The following PRDM16 variants were observed in gnomAD, a reference collection of about 807,000 sequenced individuals.
PRDM16 encodes histone-lysine N-methyltransferase PRDM16.
In PRDM16, 23 loss-of-function variants were observed where a neutral mutation model predicts 110.6. The observed-to-expected ratio is 0.21, with a 90% CI of 0.15 to 0.29. PRDM16 has a LOEUF of 0.29. PRDM16 is among the 10% of genes least tolerant of loss of function. The pLI is 1.00. For synonymous variants in PRDM16, 799 were observed against 781.8 expected, an observed-to-expected ratio of 1.02 and a Z score of -0.37; for missense variants, 1,615 against 1,794.3, an observed-to-expected ratio of 0.90 and a Z score of 1.81.
At chr1:3,344,678 G>T (rs1261201477) in intron 3 of PRDM16, among the ~76,000 whole-genome samples, 2 of 152,164 alleles carry the variant, frequency 1.3e-5, no homozygotes, top group Non-Finnish European at 2.9e-5. Context: ...TTTTGGTTTT[G>T]GTTCTAGAGA....
intron 3 of PRDM16, among the ~76,000 whole-genome samples, chr1:3,315,618 G>A (rs1302330981): frequency 6.6e-6 from 1 of 152,156 alleles, no homozygotes; most frequent in Non-Finnish European, 1.5e-5. Context: ...GGCACAGCCT[G>A]GAGAGGAGGG....
chr1:3,116,235 C>T lies in PRDM16; in HGVS notation c.37+46939C>T, dbSNP rs61269059. ...GGATGGTTCCAGACCCCATGGCACC[C>T]GTGTCTCTGCAGTGTGTCCCTCTCA... On this transcript the variant is annotated intron_variant, in intron 1 of 16. Transcript: ENST00000270722. Among the ~76,000 whole-genome samples, 1,044 of 152,154 alleles carry T rather than the reference C, an allele frequency of 6.9e-3. 4 individuals carry two copies. Among genetic ancestry groups the T allele is most frequent in the African/African-American group, 0.024 (980 of 41,492 alleles).
intron 1 of PRDM16, among the ~76,000 whole-genome samples, chr1:3,141,404 T>C (rs1198768019): frequency 2.0e-5 from 3 of 152,228 alleles, no homozygotes; most frequent in Non-Finnish European, 4.4e-5. Context: ...TTGAGCGCTG[T>C]CTGCAGCCTC....
chr1:3,283,435 T>C (rs2500302), intron 3 of PRDM16, among the ~76,000 whole-genome samples: 45,354 of 152,016 alleles, frequency 0.3, 10,701 homozygotes, highest in African/African-American at 0.63. Context: ...CTCCATGGCA[T>C]AGGACAGCCC....
At chr1:3,240,429 AAAG>A (rs1384196525) in intron 2 of PRDM16, among the ~76,000 whole-genome samples, 17 of 151,972 alleles carry the variant, frequency 1.1e-4, no homozygotes, top group Admixed American at 6.5e-4. Flanking sequence ...AAAAACAGAA[AAAG>A]AAGAAGAAGA....
chr1:3,186,797 G>A (rs1193614370), intron 2 of PRDM16, among the ~76,000 whole-genome samples: 1 of 152,220 alleles, frequency 6.6e-6, no homozygotes. Context: ...CGGCAGGGCA[G>A]GGAGATTAAT....
intron 1 of PRDM16, among the ~76,000 whole-genome samples, chr1:3,096,170 C>A (rs1173660177): frequency 1.3e-5 from 2 of 152,142 alleles, no homozygotes; most frequent in Non-Finnish European, 2.9e-5. Flanking sequence ...CTTTGAACCC[C>A]CATGTGGGCA....
At chr1:3,215,293 A>C (rs186244620) in intron 2 of PRDM16, among the ~76,000 whole-genome samples, 214 of 135,072 alleles carry the variant, frequency 1.6e-3, no homozygotes, top group African/African-American at 6.8e-3. Context: ...CACAGGTGCC[A>C]CTGGGACCAT....
At chr1:3,295,607 T>A (rs561512074) in intron 3 of PRDM16, among the ~76,000 whole-genome samples, 1 of 152,030 alleles carries the variant, frequency 6.6e-6, no homozygotes, top group Non-Finnish European at 1.5e-5. Flanking sequence ...GAGCCGAGCG[T>A]CCTCCTCTCC....
At position 3,213,843 on chromosome 1, in the gene PRDM16, G is replaced by A. The variant is rs757643557; in HGVS notation, c.387+27369G>A. Among the ~76,000 whole-genome samples, 2 of 152,162 alleles carry A rather than the reference G, an allele frequency of 1.3e-5. No homozygotes were observed. Among genetic ancestry groups the A allele is most frequent in the African/African-American group, 4.8e-5 (2 of 41,420 alleles). On this transcript the variant is annotated intron_variant, in intron 2 of 16. Transcript: ENST00000270722. The surrounding 1 kb of genome is among the most constrained non-coding windows in gnomAD (Gnocchi z 5.3). Reference sequence around the variant, plus strand: ...GGCCAAGCCGGTGCCTTCCCAGGAGGCCTTGCCACCCCCCATTAATCCTGC... The same window carrying A: ...GGCCAAGCCGGTGCCTTCCCAGGAGACCTTGCCACCCCCCATTAATCCTGC...
chr1:3,112,237 C>T (rs766305969), intron 1 of PRDM16, among the ~76,000 whole-genome samples: 3 of 152,148 alleles, frequency 2.0e-5, no homozygotes, highest in Admixed American at 1.3e-4. Context: ...GGAGGAGCCT[C>T]GGCGTTTCAC....
intron 3 of PRDM16, among the ~76,000 whole-genome samples, chr1:3,362,333 A>G (rs933098464): frequency 1.9e-5 from 2 of 106,912 alleles, no homozygotes; most frequent in Non-Finnish European, 3.9e-5. Context: ...TCTGCATGGG[A>G]CACCCAGGCG....
intron 3 of PRDM16, among the ~76,000 whole-genome samples, chr1:3,293,943 C>T (rs1260829766): frequency 2.0e-5 from 3 of 152,246 alleles, no homozygotes; most frequent in African/African-American, 4.8e-5. Context: ...TGAGTGCGTG[C>T]GTGTTGTGTG....
intron 3 of PRDM16, among the ~76,000 whole-genome samples, chr1:3,311,567 G>A (rs575438598): frequency 4.9e-4 from 74 of 152,326 alleles, no homozygotes; most frequent in African/African-American, 1.7e-3. Flanking sequence ...AGCGTGGTAC[G>A]ACTTTGCCAT....
chr1:3,141,045 A>AG (rs1468677892), intron 1 of PRDM16, among the ~76,000 whole-genome samples: 3 of 152,232 alleles, frequency 2.0e-5, no homozygotes, highest in Non-Finnish European at 4.4e-5. Context: ...AAGAGGGCAC[A>AG]GGCAAGGTGG....
chr1:3,170,945 C>T (rs969074740), intron 1 of PRDM16, among the ~76,000 whole-genome samples: 7 of 152,240 alleles, frequency 4.6e-5, no homozygotes, highest in East Asian at 1.9e-4. Context: ...GGGCTGATGG[C>T]GCCAGCCCAA....
At chr1:3,237,441 T>C (rs1557549315) in intron 2 of PRDM16, among the ~76,000 whole-genome samples, 1 of 152,130 alleles carries the variant, frequency 6.6e-6, no homozygotes, top group Non-Finnish European at 1.5e-5. Flanking sequence ...CGTGTTGATG[T>C]TGCTGTGGAA....
At position 3,208,669 on chromosome 1, in the gene PRDM16, A is replaced by G. The variant is rs1401763818; in HGVS notation, c.387+22195A>G. On this transcript the variant is annotated intron_variant, in intron 2 of 16. Coordinates refer to ENST00000270722, the MANE Select transcript of PRDM16 (RefSeq NM_022114.4). This position sits in a 1 kb window ranked among gnomAD's most constrained non-coding sequence, Gnocchi z 6.1. ...GACAGAGCAAGACTCCGTCTCAAAA[A>G]AAAAAAAAAGAAAAGAAAAGAAAAG... 1 of 151,720 alleles carries G rather than the reference A, an allele frequency of 6.6e-6. No homozygotes were observed. Among genetic ancestry groups the G allele is most frequent in the East Asian group, 1.9e-4 (1 of 5,186 alleles). 9.4% of individuals were successfully genotyped at this position (151,720 alleles called of 1,614,324 possible). A position where few individuals can be genotyped will look rare whatever the true frequency, so the allele number is the denominator to read the frequency against.
At chr1:3,349,335 T>G (rs1278899431) in intron 3 of PRDM16, among the ~76,000 whole-genome samples, 6 of 152,060 alleles carry the variant, frequency 3.9e-5, no homozygotes, top group Non-Finnish European at 7.4e-5. Context: ...TAAAAGGGGC[T>G]TTGGAAAGGT....
Sources: gnomAD v4.1 joint callset for allele counts (sites outside exome capture counted in the v4.1 genomes callset) on GRCh38, gnomAD v4.1.1 for gene constraint, Gnocchi (gnomAD v3.1) non-coding constraint, MANE v1.5 for transcripts, NCBI Gene and HGNC (gene_info 2026-07-23, HGNC 2026-07-21) for gene names.